Variants in TFB1M observed in about 807,000 individuals in gnomAD.
TFB1M encodes dimethyladenosine transferase 1, mitochondrial.
TFB1M carries 27 observed loss-of-function variants against 31.1 expected under a neutral mutation model. The observed-to-expected ratio is 0.87, with a 90% CI of 0.64 to 1.20. TFB1M has a LOEUF of 1.20. Among genes scored for constraint, TFB1M ranks in the 50% most tolerant of loss-of-function variants. TFB1M has a pLI of 0.00. For synonymous variants in TFB1M, 166 were observed against 151.8 expected (o/e 1.09, Z -0.69); for missense variants, 394 against 418.7 (o/e 0.94, Z 0.51).
chr6:155,293,345 T>C (rs1486076330), intron 4 of TFB1M, among the ~76,000 whole-genome samples: 1 of 152,236 alleles, frequency 6.6e-6, no homozygotes, highest in Non-Finnish European at 1.5e-5. Context: ...TATCAGATAC[T>C]GCTAAGGTGT....
chr6:155,260,732 T>C (rs1784356029), intron 5 of TFB1M: 9 of 366,492 alleles, frequency 2.5e-5, no homozygotes, highest in South Asian at 1.8e-4. Context: ...TAGATGGCAT[T>C]AGAATATTTT....
At chr6:155,298,297 T>C (rs930151764) in intron 3 of TFB1M, among the ~76,000 whole-genome samples, 180 bp downstream of exon 3, 2 of 152,200 alleles carry the variant, frequency 1.3e-5, no homozygotes, top group Admixed American at 6.5e-5. Flanking sequence ...AAAAAGTAAC[T>C]AGATTTTATA....
chr6:155,247,898 G>T, the TFB1M span: 1 of 1,393,714 alleles, frequency 7.2e-7, no homozygotes, highest in African/African-American at 1.4e-5. Flanking sequence ...ATGGCATTAG[G>T]AGGACTATAG....
Position 155,314,390 on chromosome 6 carries a change from A to T in TFB1M, c.39T>A (p.Pro13=). The change falls in exon 1 of 7, where the codon CCT becomes CCA. Residue 13 remains proline (P), a synonymous_variant. Transcript: ENST00000367166. ...TGATTTCTCGAATCGTGGGCAACGG[A>T]GGGAGACGGCAAGTGCTGAGTTTTC... ...ASGKLSTCRL[P]PLPTIREIIK... 1 of 1,614,228 alleles carries T rather than the reference A, an allele frequency of 6.2e-7. No homozygotes were observed. Among genetic ancestry groups the T allele is most frequent in the Non-Finnish European group, 8.5e-7 (1 of 1,180,034 alleles).
chr6:155,244,463 TG>T, the TFB1M span, among the ~76,000 whole-genome samples: 1 of 152,234 alleles, frequency 6.6e-6, no homozygotes, highest in African/African-American at 2.4e-5. Context: ...TAGAGAATTA[TG>T]GGGGATGGAG....
At chr6:155,251,942 T>C (rs1451693595), downstream of TFB1M, 1 of 1,601,322 alleles carries the variant, frequency 6.2e-7, no homozygotes. Context: ...TTCCTTTCTT[T>C]AGTTTTTAAG....
At chr6:155,258,319 C>T (rs73792817) in intron 6 of TFB1M, among the ~76,000 whole-genome samples, 4 of 152,220 alleles carry the variant, frequency 2.6e-5, no homozygotes, top group Middle Eastern at 3.4e-3. Flanking sequence ...TTCTCCAAAG[C>T]TAAATCAGTA....
chr6:155,233,111 C>A, the TFB1M span, among the ~76,000 whole-genome samples: 5 of 152,156 alleles, frequency 3.3e-5, no homozygotes, highest in African/African-American at 4.8e-5. Context: ...GCAGTGGACT[C>A]CTGCCACGTA....
chr6:155,232,104 A>C, the TFB1M span, among the ~76,000 whole-genome samples: 5 of 82,512 alleles, frequency 6.1e-5, no homozygotes, highest in Non-Finnish European at 1.1e-4. Flanking sequence ...AAAACAAAAA[A>C]AAACAAAAAC....
intron 2 of TFB1M, among the ~76,000 whole-genome samples, chr6:155,308,348 G>A (rs1777876088): frequency 6.6e-6 from 1 of 152,166 alleles, no homozygotes. Context: ...CCTCTTTCCA[G>A]ATCAGCAGTC....
At chr6:155,298,049 A>G (rs931900848) in intron 3 of TFB1M, among the ~76,000 whole-genome samples, 2 of 152,246 alleles carry the variant, frequency 1.3e-5, no homozygotes, top group Admixed American at 6.5e-5. Flanking sequence ...GTACCCAATA[A>G]ACACTGTCTG....
At chr6:155,240,500 C>G in the TFB1M span, 3 of 1,580,332 alleles carry the variant, frequency 1.9e-6, no homozygotes, top group Admixed American at 5.1e-5. Flanking sequence ...GAGGCCCGTG[C>G]ATTATTTTCC....
At chr6:155,275,979 CGT>C (rs1785183852) in intron 5 of TFB1M, 1 of 1,614,052 alleles carries the variant, frequency 6.2e-7, no homozygotes, top group Non-Finnish European at 8.5e-7. Context: ...ATGGTCCTGG[CGT>C]GTGTTCTGTC....
chr6:155,299,001 A>T (rs1777306970), intron 2 of TFB1M, among the ~76,000 whole-genome samples: 1 of 152,220 alleles, frequency 6.6e-6, no homozygotes, highest in African/African-American at 2.4e-5. Context: ...AAATCTTTAT[A>T]GCCTAAATAT....
chr6:155,268,267 C>A (rs548785676), intron 5 of TFB1M, among the ~76,000 whole-genome samples: 70 of 152,158 alleles, frequency 4.6e-4, no homozygotes, highest in Non-Finnish European at 8.5e-4. Flanking sequence ...AATTCCACCA[C>A]AAAAAAACAC....
intron 2 of TFB1M, among the ~76,000 whole-genome samples, chr6:155,307,724 C>T (rs912314415): frequency 6.6e-6 from 1 of 152,090 alleles, no homozygotes; most frequent in Non-Finnish European, 1.5e-5. Flanking sequence ...AATCTTTTGG[C>T]TTCCCTCGGC....
intron 4 of TFB1M, among the ~76,000 whole-genome samples, chr6:155,290,475 A>G (rs1422763548): frequency 6.6e-6 from 1 of 152,032 alleles, no homozygotes; most frequent in Non-Finnish European, 1.5e-5. Flanking sequence ...GCAAAATGTG[A>G]AAATCAGAGG....
chr6:155,253,631 G>A (rs1167829142), downstream of TFB1M: 36 of 203,122 alleles, frequency 1.8e-4, no homozygotes, highest in Non-Finnish European at 2.0e-5. Flanking sequence ...TTTACCTCAA[G>A]TACCCCAGCT....
At chr6:155,288,053 T>C (rs1776745310) in intron 4 of TFB1M, among the ~76,000 whole-genome samples, 1 of 152,200 alleles carries the variant, frequency 6.6e-6, no homozygotes, top group African/African-American at 2.4e-5. Flanking sequence ...ATCACTTCTT[T>C]TCCTTTGCTG....
Sources: allele counts gnomAD v4.1 joint callset (sites outside exome capture counted in the v4.1 genomes callset), GRCh38; gene constraint gnomAD v4.1.1; transcripts MANE v1.5; gene names NCBI Gene and HGNC (gene_info 2026-07-23, HGNC 2026-07-21).